SPMIP5: variants seen among roughly 807,000 people sequenced by gnomAD.
The protein encoded by SPMIP5 is sperm microtubule inner protein 5.
the SPMIP5 span, chr10:116,665,132 C>A: frequency 7.3e-7 from 1 of 1,372,918 alleles, no homozygotes; most frequent in Non-Finnish European, 9.4e-7. Context: ...CTCTGTGGCT[C>A]ATGCCTGTAA....
At chr10:116,664,847 T>C in the SPMIP5 span, 1 of 1,614,046 alleles carries the variant, frequency 6.2e-7, no homozygotes, top group African/African-American at 1.3e-5. Context: ...TGACAGTGTA[T>C]CTCGTGCCAC....
At chr10:116,665,736 T>G in the SPMIP5 span, 2 of 1,614,202 alleles carry the variant, frequency 1.2e-6, no homozygotes, top group Non-Finnish European at 1.7e-6. Flanking sequence ...CTGTTCTTTA[T>G]AGCGCTGTGT....
chr10:116,663,596 A>C, the SPMIP5 span: 2 of 273,618 alleles, frequency 7.3e-6, no homozygotes, highest in Admixed American at 4.9e-5. Flanking sequence ...CTAGGTCTTC[A>C]GTGAAGATCC....
chr10:116,667,761 T>C, the SPMIP5 span, among the ~76,000 whole-genome samples: 1 of 152,266 alleles, frequency 6.6e-6, no homozygotes, highest in East Asian at 1.9e-4. Flanking sequence ...GTTTCCCAAA[T>C]GCAAGATTTT....
chr10:116,665,142 A>G, the SPMIP5 span: 2 of 1,341,972 alleles, frequency 1.5e-6, no homozygotes, highest in Non-Finnish European at 1.9e-6. Context: ...CATGCCTGTA[A>G]TCCCAGCACT....
chr10:116,668,933 G>GCACGCACACACA, the SPMIP5 span, among the ~76,000 whole-genome samples: 1 of 135,282 alleles, frequency 7.4e-6, no homozygotes, highest in Non-Finnish European at 1.5e-5. Flanking sequence ...GCACACACAT[G>GCACGCACACACA]CACACACACA....
the SPMIP5 span, among the ~76,000 whole-genome samples, chr10:116,668,933 G>GCACACACACACACACACACACA: frequency 4.4e-3 from 589 of 135,322 alleles, 14 homozygotes; most frequent in African/African-American, 8.9e-3. Flanking sequence ...GCACACACAT[G>GCACACACACACACACACACACA]CACACACACA....
the SPMIP5 span, among the ~76,000 whole-genome samples, chr10:116,668,933 GCACACACACACACACACACACA>G: frequency 3.0e-5 from 4 of 135,380 alleles, no homozygotes; most frequent in East Asian, 9.1e-4. Flanking sequence ...GCACACACAT[GCACACACACACACACACACACA>G]CACACACACA....
chr10:116,663,993 T>C, the SPMIP5 span: 1 of 1,544,650 alleles, frequency 6.5e-7, no homozygotes, highest in Non-Finnish European at 8.7e-7. Context: ...CACAGCCACA[T>C]GTCAGCGGAG....
the SPMIP5 span, among the ~76,000 whole-genome samples, chr10:116,667,304 C>G: frequency 6.6e-6 from 1 of 152,330 alleles, no homozygotes; most frequent in Middle Eastern, 3.4e-3. Flanking sequence ...GCCCTGCGGG[C>G]ACCTCGATTT....
At chr10:116,666,204 T>C in the SPMIP5 span, among the ~76,000 whole-genome samples, 1 of 152,208 alleles carries the variant, frequency 6.6e-6, no homozygotes, top group African/African-American at 2.4e-5. Context: ...AAGCTTATTT[T>C]CCTCGACACT....
At chr10:116,666,674 G>T in the SPMIP5 span, among the ~76,000 whole-genome samples, 1 of 151,948 alleles carries the variant, frequency 6.6e-6, no homozygotes, top group African/African-American at 2.4e-5. Context: ...AACTAATCTT[G>T]ACAGTGTTGG....
At chr10:116,666,283 C>A in the SPMIP5 span, among the ~76,000 whole-genome samples, 38 of 152,182 alleles carry the variant, frequency 2.5e-4, no homozygotes, top group Admixed American at 7.2e-4. Context: ...AAAGTAGAGC[C>A]CTGTTACACA....
chr10:116,668,352 C>G, the SPMIP5 span: 1 of 1,543,730 alleles, frequency 6.5e-7, no homozygotes, highest in Non-Finnish European at 8.9e-7. Flanking sequence ...GGGAATGAAA[C>G]GGTCTCATCA....
chr10:116,664,037 C>T, the SPMIP5 span: 1 of 1,581,714 alleles, frequency 6.3e-7, no homozygotes, highest in Middle Eastern at 1.7e-4. Flanking sequence ...CTTCCAAGGG[C>T]AGGGCAGCTT....
the SPMIP5 span, among the ~76,000 whole-genome samples, chr10:116,662,800 T>C: frequency 6.6e-6 from 1 of 152,154 alleles, no homozygotes. Context: ...TATTTGGAAC[T>C]AGAGTCATTG....
the SPMIP5 span, chr10:116,663,758 C>T: frequency 4.7e-5 from 40 of 856,524 alleles, no homozygotes; most frequent in East Asian, 5.0e-4. Context: ...TAATGACATG[C>T]AACCGTCAAC....
At chr10:116,665,691 G>T in the SPMIP5 span, 1 of 1,614,090 alleles carries the variant, frequency 6.2e-7, no homozygotes, top group Non-Finnish European at 8.5e-7. Context: ...TTTCAGTTTC[G>T]GGGCAGTGGC....
the SPMIP5 span, among the ~76,000 whole-genome samples, chr10:116,667,698 G>C: frequency 6.6e-6 from 1 of 152,204 alleles, no homozygotes; most frequent in Admixed American, 6.5e-5. Context: ...GCCTGAGGAG[G>C]AATAGCCTCT....
Sources: allele counts gnomAD v4.1 joint callset (sites outside exome capture counted in the v4.1 genomes callset), GRCh38; gene constraint gnomAD v4.1.1; transcripts MANE v1.5; gene names NCBI Gene and HGNC (gene_info 2026-07-23, HGNC 2026-07-21).